The following ARHGEF12 variants were observed in gnomAD, a reference collection of about 807,000 sequenced individuals.
ARHGEF12 encodes KMT2A/ARHGEF12 fusion protein.
ARHGEF12 carries 66 observed loss-of-function variants against 211.2 expected under a neutral mutation model. The ratio of observed to expected loss-of-function variants is 0.31; its 90% CI spans 0.26 to 0.38. The LOEUF (loss-of-function observed/expected upper bound fraction) is 0.38, where lower values mean the gene tolerates loss of function less well. ARHGEF12 is among the 10% of genes least tolerant of loss of function. ARHGEF12 has a pLI of 1.00. For synonymous variants in ARHGEF12, 592 were observed against 638.4 expected (o/e 0.93, Z 1.09); for missense variants, 1,429 against 1,869.5 (o/e 0.76, Z 4.34).
At chr11:120,361,820 G>T (rs564309741) in intron 1 of ARHGEF12, among the ~76,000 whole-genome samples, 2 of 152,298 alleles carry the variant, frequency 1.3e-5, no homozygotes, top group Admixed American at 1.3e-4. Context: ...AGATATATTT[G>T]TCAAGATATG....
chr11:120,419,818 T>A (rs1945131690), intron 4 of ARHGEF12, among the ~76,000 whole-genome samples: 1 of 152,204 alleles, frequency 6.6e-6, no homozygotes, highest in Admixed American at 6.5e-5. Flanking sequence ...ATTATCTTTG[T>A]GTTGTTTTAC....
chr11:120,339,771 G>C (rs2135224352), intron 1 of ARHGEF12, among the ~76,000 whole-genome samples: 1 of 152,242 alleles, frequency 6.6e-6, no homozygotes, highest in Non-Finnish European at 1.5e-5. Flanking sequence ...CTTGTGTTAG[G>C]GACGTGCTGG....
At chr11:120,399,643 C>CT (rs1944502526) in intron 1 of ARHGEF12, among the ~76,000 whole-genome samples, 1 of 152,036 alleles carries the variant, frequency 6.6e-6, no homozygotes, top group African/African-American at 2.4e-5. Context: ...CCTGAGATTT[C>CT]AGAAATAAAA....
intron 1 of ARHGEF12, among the ~76,000 whole-genome samples, chr11:120,361,990 T>G (rs1943290683): frequency 6.6e-6 from 1 of 152,228 alleles, no homozygotes; most frequent in Non-Finnish European, 1.5e-5. Flanking sequence ...GAAGTTACTT[T>G]TATAAGGTTT....
At chr11:120,417,366 A>C (rs1227219309) in intron 4 of ARHGEF12, among the ~76,000 whole-genome samples, 2 of 152,154 alleles carry the variant, frequency 1.3e-5, no homozygotes, top group Non-Finnish European at 2.9e-5. Flanking sequence ...TCAGTGTTAT[A>C]ATTGCCTTGA....
chr11:120,464,240 G>A (rs185018846), intron 27 of ARHGEF12: 11 of 152,182 alleles, frequency 7.2e-5, no homozygotes, highest in Non-Finnish European at 1.0e-4. Context: ...TTGCTTCCCA[G>A]AGTAGTAAGA....
At position 120,477,688 on chromosome 11, in the gene ARHGEF12, A is replaced by T. The variant is rs971888151; in HGVS notation, c.3532+162A>T. 7.1e-6 allele frequency: 4 copies of T among 567,248 alleles called. No homozygotes were observed. In the African/African-American group the frequency reaches 7.7e-5, roughly 11 times the overall value. 35.1% of individuals were successfully genotyped at this position (567,248 alleles called of 1,614,324 possible). ...GAGGCCAACCTGACCAACATGACAA[A>T]ACCCTGTCTCTACTAAAAAATACAA... On this transcript the variant is annotated intron_variant, in intron 36 of 40. Coordinates refer to ENST00000397843, the MANE Select transcript of ARHGEF12 (RefSeq NM_015313.3).
Position 120,361,010 on chromosome 11 carries a change from G to A in ARHGEF12, c.32+23735G>A, listed in dbSNP as rs529728346. Among the ~76,000 whole-genome samples the A allele has an allele frequency of 8.5e-5, 13 of 152,242 alleles. No homozygotes were observed. In the East Asian group the frequency reaches 1.5e-3, roughly 18 times the overall value. Reference sequence around the variant, plus strand: ...TAAGACAATTCCATTTTTAAATTTTGATGTTAATAAGCACCAAGAATCACA... The same window carrying A: ...TAAGACAATTCCATTTTTAAATTTTAATGTTAATAAGCACCAAGAATCACA... On this transcript the variant is annotated intron_variant, in intron 1 of 40. Transcript: ENST00000397843.
chr11:120,340,468 A>G (rs1015887571), intron 1 of ARHGEF12, among the ~76,000 whole-genome samples: 3 of 152,206 alleles, frequency 2.0e-5, no homozygotes, highest in African/African-American at 4.8e-5. Context: ...CACTGAATTC[A>G]GCTTTGAGCT....
chr11:120,355,729 A>C (rs1943113549), intron 1 of ARHGEF12, among the ~76,000 whole-genome samples: 1 of 152,128 alleles, frequency 6.6e-6, no homozygotes, highest in African/African-American at 2.4e-5. Flanking sequence ...AAATAAAAAA[A>C]CCCAGATCTT....
intron 15 of ARHGEF12, among the ~76,000 whole-genome samples, chr11:120,444,885 A>T (rs1417969236): frequency 6.6e-6 from 1 of 152,086 alleles, no homozygotes; most frequent in Non-Finnish European, 1.5e-5. Flanking sequence ...AACTCCAAAA[A>T]CTCAACATTG....
At chr11:120,479,429 C>T (rs1041104527) in intron 37 of ARHGEF12, among the ~76,000 whole-genome samples, 1 of 152,178 alleles carries the variant, frequency 6.6e-6, no homozygotes, top group Non-Finnish European at 1.5e-5. Context: ...GTCTGGGTGA[C>T]CTCATAGCAT....
intron 29 of ARHGEF12, among the ~76,000 whole-genome samples, chr11:120,468,255 A>T (rs1946764165): frequency 6.6e-6 from 1 of 152,262 alleles, no homozygotes; most frequent in Non-Finnish European, 1.5e-5. Flanking sequence ...ATGCATAAGC[A>T]GGAAATTTTA....
chr11:120,427,905 A>G (rs1208524838), intron 7 of ARHGEF12, among the ~76,000 whole-genome samples, 164 bp from the exon 8 acceptor site: 1 of 152,158 alleles, frequency 6.6e-6, no homozygotes, highest in African/African-American at 2.4e-5. Context: ...GAAATGACAA[A>G]TTAGTTTTTT....
intron 2 of ARHGEF12, 85 bp downstream of exon 2, chr11:120,406,226 G>A: frequency 1.9e-6 from 2 of 1,025,678 alleles, no homozygotes; most frequent in Non-Finnish European, 2.7e-6. Flanking sequence ...GTGGATTTTT[G>A]TGGTTTTTGA....
chr11:120,453,587 T>C (rs2135860412), intron 22 of ARHGEF12, among the ~76,000 whole-genome samples: 1 of 152,314 alleles, frequency 6.6e-6, no homozygotes, highest in South Asian at 2.1e-4. Flanking sequence ...TCATATGGCA[T>C]GTGCCTGTAG....
chr11:120,444,073 T>C (rs1196575040), intron 15 of ARHGEF12, among the ~76,000 whole-genome samples: 1 of 152,164 alleles, frequency 6.6e-6, no homozygotes, highest in Admixed American at 6.5e-5. Flanking sequence ...TTAGGCCAGA[T>C]ATTTTTATTC....
chr11:120,344,873 T>C (rs952297353), intron 1 of ARHGEF12, among the ~76,000 whole-genome samples: 6 of 152,222 alleles, frequency 3.9e-5, no homozygotes, highest in Admixed American at 3.9e-4. Flanking sequence ...TGTAGTAAAG[T>C]GTTACTCTAT....
chr11:120,479,201 C>T (rs754181476), intron 37 of ARHGEF12, among the ~76,000 whole-genome samples: 2 of 152,166 alleles, frequency 1.3e-5, no homozygotes, highest in African/African-American at 2.4e-5. Flanking sequence ...ATGAGACTTC[C>T]TGGCATCTCT....
Sources: gnomAD v4.1 joint callset for allele counts (sites outside exome capture counted in the v4.1 genomes callset) on GRCh38, gnomAD v4.1.1 for gene constraint, MANE v1.5 for transcripts, NCBI Gene and HGNC (gene_info 2026-07-23, HGNC 2026-07-21) for gene names.